The following TFAP4 variants were observed in gnomAD, a reference collection of about 807,000 sequenced individuals.
TFAP4 encodes the protein transcription factor AP-4.
TFAP4 carries 7 observed loss-of-function variants against 40.4 expected under a neutral mutation model. The observed-to-expected ratio is 0.17, with a 90% CI of 0.10 to 0.33. The LOEUF is 0.33. Ranked by LOEUF, TFAP4 falls within the 10% of genes least tolerant of loss-of-function variation. The pLI is 1.00. For synonymous variants in TFAP4, 218 were observed against 181.4 expected (o/e 1.20, Z -1.62); for missense variants, 374 against 451.1 (o/e 0.83, Z 1.55).
chr16:4,258,803 A>T (rs1473372369), intron 6 of TFAP4: 1 of 152,294 alleles, frequency 6.6e-6, no homozygotes, highest in Non-Finnish European at 1.5e-5. Flanking sequence ...AAATTATATT[A>T]TATGTATCAG....
In TFAP4 at chr16:4,270,744, G is replaced by C. The variant is rs146204016; in HGVS notation, c.89+1914C>G. On this transcript the variant is annotated intron_variant, in intron 1 of 6. Coordinates refer to ENST00000204517, the MANE Select transcript of TFAP4 (RefSeq NM_003223.3). ...GGGGGCCCTGAGAGGACTCACCCAA[G>C]GCCCAGGCATGGCAGCCAGAGGGCC... 2.9e-3 allele frequency among the ~76,000 whole-genome samples: 435 copies of C among 152,276 alleles called. 5 individuals are homozygous for C. The Middle Eastern group carries it at 0.031, about 11-fold the overall frequency.
intron 4 of TFAP4, 145 bp from the exon 5 acceptor site, chr16:4,260,740 C>T (rs1477286775): frequency 2.2e-6 from 2 of 920,150 alleles, no homozygotes; most frequent in Non-Finnish European, 3.1e-6. Flanking sequence ...TTCCAGAGCC[C>T]TTCAGCCCCC....
At chr16:4,261,599 C>A (rs943286003) in intron 4 of TFAP4, among the ~76,000 whole-genome samples, 180 bp downstream of exon 4, 5 of 152,154 alleles carry the variant, frequency 3.3e-5, no homozygotes, top group Non-Finnish European at 7.3e-5. Flanking sequence ...CCCACCCCAA[C>A]GCAGACGGTG....
At position 4,257,957 on chromosome 16, in the gene TFAP4, A is replaced by C; in HGVS notation, c.*98T>G. ...TAAAAGAGACCCAAATGACATCGTA[A>C]TTTTGTAAAAATTTCTCACTCATTC... is the stretch of plus-strand genomic sequence containing the variant. On this transcript the variant is annotated 3_prime_UTR_variant, in exon 7 of 7. Transcript: ENST00000204517. 1 of 1,223,128 alleles carries C rather than the reference A, an allele frequency of 8.2e-7. No individual in the cohort carries two copies. 75.8% of individuals were successfully genotyped at this position (1,223,128 alleles called of 1,614,324 possible). A position where few individuals can be genotyped will look rare whatever the true frequency, so the allele number is the denominator to read the frequency against.
chr16:4,262,488 G>T lies in TFAP4; in HGVS notation c.255+48C>A. 1.9e-6 allele frequency: 3 copies of T among 1,613,332 alleles called. No homozygotes were observed. The South Asian group carries it at 3.3e-5, about 18-fold the overall frequency. ...TACCAGAGCTCACTTTCCTCTCCCAGCGGGAACCTGCCGGCTCCTCCAGGA... is the reference window on the plus strand; with the variant it reads ...TACCAGAGCTCACTTTCCTCTCCCATCGGGAACCTGCCGGCTCCTCCAGGA... On this transcript the variant is annotated intron_variant, in intron 2 of 6. Transcript: ENST00000204517.
chr16:4,258,056 C>A lies in TFAP4; in HGVS notation c.1016G>T (p.Ter339LeuextTer26). 1.2e-6 allele frequency: 2 copies of A among 1,610,222 alleles called. No homozygotes were observed. The highest frequency in any genetic ancestry group is 1.7e-6 in the Non-Finnish European group (2 of 1,179,336). ...EEPSGDGELP* is the reference protein window; with the variant it reads ...EEPSGDGELPL ...GGGAGAGGAGGGCTGGGGGGGTAGT[C>A]AGGGAAGCTCCCCGTCCCCCGACGG... Residue 339 changes from the stop codon to leucine, a stop_lost, in exon 7 of 7, where the codon TGA becomes TTA. Transcript: ENST00000204517.
Position 4,262,521 on chromosome 16 carries a change from C to A in TFAP4, c.255+15G>T, listed in dbSNP as rs764951287. ...CTGCCGGCTCCTCCAGGAAGCCCTC[C>A]CTGCTCTCACCCACCTTGCTGAGCT... On this transcript the variant is annotated intron_variant, in intron 2 of 6. Transcript: ENST00000204517. The A allele has an allele frequency of 5.0e-6, 8 of 1,612,716 alleles. No homozygotes were observed. In the South Asian group the frequency reaches 8.8e-5, roughly 18 times the overall value.
At chr16:4,262,022 GC>G (rs1567200990) in intron 3 of TFAP4, 73 bp from the exon 4 acceptor site, 1 of 1,448,320 alleles carries the variant, frequency 6.9e-7, no homozygotes, top group Non-Finnish European at 9.2e-7. Context: ...TTCCATCGCA[GC>G]CCCCCAAAGC....
Position 4,257,977 on chromosome 16 carries a change from T to A in TFAP4, c.*78A>T. ...TCGTAATTTTGTAAAAATTTCTCAC[T>A]CATTCGCCCATGTCTCTCCCTGTGG... On this transcript the variant is annotated 3_prime_UTR_variant, in exon 7 of 7. Coordinates refer to ENST00000204517, the MANE Select transcript of TFAP4 (RefSeq NM_003223.3). The A allele has an allele frequency of 1.4e-6, 2 of 1,382,602 alleles. No individual in the cohort carries two copies. The highest frequency in any genetic ancestry group is 9.8e-7 in the Non-Finnish European group (1 of 1,019,140). 85.6% of individuals were successfully genotyped at this position (1,382,602 alleles called of 1,614,324 possible).
intron 1 of TFAP4, chr16:4,266,385 T>TC (rs1446444780): frequency 1.3e-5 from 2 of 151,402 alleles, no homozygotes; most frequent in Non-Finnish European, 2.9e-5. Context: ...AAAGCAAATT[T>TC]CCCCCCAAAA....
At chr16:4,271,210 G>C (rs2053037564) in intron 1 of TFAP4, among the ~76,000 whole-genome samples, 1 of 152,230 alleles carries the variant, frequency 6.6e-6, no homozygotes, top group Non-Finnish European at 1.5e-5. Flanking sequence ...CCGGGGCAGA[G>C]GGTTGGGCAG....
At position 4,260,196 on chromosome 16, in the gene TFAP4, G is replaced by A. The variant is rs1401000675; in HGVS notation, c.716C>T (p.Ala239Val). The change falls in exon 6 of 7, where the codon GCA becomes GTA. Residue 239 changes from alanine to valine, a missense_variant. By Grantham distance (64) the Ala-to-Val change is moderately conservative. Coordinates refer to ENST00000204517, the MANE Select transcript of TFAP4 (RefSeq NM_003223.3). ...PTHHPTVIVP[A>V]PPPPPSHHIN... ...GTGGTGGGAGGGAGGAGGAGGCGGT[G>A]CTGGCACGATCACCGTGGGGTGGTG... The A allele has an allele frequency of 6.4e-7, 1 of 1,569,680 alleles. No homozygotes were observed. The highest frequency in any genetic ancestry group is 2.4e-5 in the East Asian group (1 of 42,310).
rs773372223 is a variant in TFAP4, at chr16:4,257,903, G to A, written c.*152C>T. The A allele has an allele frequency of 1.4e-5, 11 of 783,002 alleles. No individual in the cohort carries two copies. The highest frequency in any genetic ancestry group is 2.2e-5 in the Non-Finnish European group (11 of 506,134). The allele number at this position is 783,002 out of a possible 1,614,324, so 48.5% of individuals were successfully genotyped here. A position where few individuals can be genotyped will look rare whatever the true frequency, so the allele number is the denominator to read the frequency against. ...TCGGGTTGAGTGGCTTCGTTCAAAGGTCGATTTACAGTATTGAAAAAGAGG... is the reference window on the plus strand; with the variant it reads ...TCGGGTTGAGTGGCTTCGTTCAAAGATCGATTTACAGTATTGAAAAAGAGG... On this transcript the variant is annotated 3_prime_UTR_variant, in exon 7 of 7. Transcript: ENST00000204517.
intron 1 of TFAP4, chr16:4,265,701 C>T (rs897461867): frequency 1.4e-5 from 2 of 147,566 alleles, no homozygotes; most frequent in Admixed American, 1.4e-4. Flanking sequence ...ACCTCGTTGA[C>T]ATTTTTCCCT....
chr16:4,260,402 C>T, intron 5 of TFAP4, 53 bp downstream of exon 5: 1 of 1,526,554 alleles, frequency 6.6e-7, no homozygotes, highest in East Asian at 2.3e-5. Context: ...CATTCAAGAT[C>T]ACCTGTCCCC....
chr16:4,267,399 T>A lies in TFAP4; in HGVS notation c.90-4698A>T, dbSNP rs191211312. Among the ~76,000 whole-genome samples, 683 of 152,276 alleles carry A rather than the reference T, an allele frequency of 4.5e-3. 5 individuals are homozygous for A. The highest frequency in any genetic ancestry group is 0.015 in the African/African-American group (622 of 41,562). On this transcript the variant is annotated intron_variant, in intron 1 of 6. Coordinates refer to ENST00000204517, the MANE Select transcript of TFAP4 (RefSeq NM_003223.3). ...GTCCAAACAGGGGCTGCCCTAGATTTAGGAATAAGGTCACTGAGCAGCCAA... is the reference window on the plus strand; with the variant it reads ...GTCCAAACAGGGGCTGCCCTAGATTAAGGAATAAGGTCACTGAGCAGCCAA...
In TFAP4 at chr16:4,260,508, T is replaced by C. The variant is rs773064984; in HGVS notation, c.613A>G (p.Arg205Gly). 2 of 1,609,270 alleles carry C rather than the reference T, an allele frequency of 1.2e-6. No individual in the cohort carries two copies. The highest frequency in any genetic ancestry group is 2.2e-5 in the East Asian group (1 of 44,716). ...TCCAGCTTCTCCTGGTGCAGCAGCC[T>C]CACCTGTTCCTGCTGCTGCTGCAGC... The part of the protein sequence containing the change: ...VQLQQQQEQV[R>G]LLHQEKLERE... Residue 205 changes from arginine (R) to glycine (G), a missense_variant, in exon 5 of 7, where the codon AGG (arginine) becomes GGG (glycine). Arg to Gly is a moderately radical substitution (Grantham distance 125, BLOSUM62 -2). This residue lies in a region of TFAP4 where 161 missense variants were observed against 154.2 expected (regional missense o/e 1.04). Coordinates refer to ENST00000204517, the MANE Select transcript of TFAP4 (RefSeq NM_003223.3).
Position 4,272,808 on chromosome 16 carries a change from G to A in TFAP4, c.-62C>T. ...CGCGATCAGCCGGAGAATGCAAGAT[G>A]GAAATCCGAATCAAAGGGCAGCGCC... On this transcript the variant is annotated 5_prime_UTR_variant, in exon 1 of 7. Coordinates refer to ENST00000204517, the MANE Select transcript of TFAP4 (RefSeq NM_003223.3). 4.7e-6 allele frequency: 7 copies of A among 1,481,422 alleles called. No individual in the cohort carries two copies. Among genetic ancestry groups the A allele is most frequent in the Non-Finnish European group, 6.5e-6 (7 of 1,084,212 alleles). 91.8% of individuals were successfully genotyped at this position (1,481,422 alleles called of 1,614,324 possible).
At chr16:4,267,824 G>T (rs1250013733) in intron 1 of TFAP4, among the ~76,000 whole-genome samples, 1 of 152,166 alleles carries the variant, frequency 6.6e-6, no homozygotes, top group African/African-American at 2.4e-5. Flanking sequence ...TCAGCCCGAG[G>T]TTCTCATCCA....
Sources: allele counts gnomAD v4.1 joint callset (sites outside exome capture counted in the v4.1 genomes callset), GRCh38; gene constraint gnomAD v4.1.1; regional missense constraint gnomAD v4.1.1; transcripts MANE v1.5; gene names NCBI Gene and HGNC (gene_info 2026-07-23, HGNC 2026-07-21).